Variants in ABCC9 observed in about 807,000 individuals in gnomAD.
The protein encoded by ABCC9 is ATP binding cassette subfamily C member 9, also known as ATP-binding cassette sub-family C member 9.
ABCC9 carries 95 observed loss-of-function variants against 188.3 expected under a neutral mutation model. That is an observed-to-expected ratio of 0.50 (90% CI 0.43 to 0.60). The LOEUF (loss-of-function observed/expected upper bound fraction) is 0.60, where lower values mean the gene tolerates loss of function less well. Among genes scored for constraint, ABCC9 ranks in the 20% least tolerant of loss-of-function variants. The pLI is 0.00. For synonymous variants in ABCC9, 659 were observed against 652.7 expected (o/e 1.01, Z -0.15); for missense variants, 1,102 against 1,876.3 (o/e 0.59, Z 7.62).
At chr12:21,875,067 TC>T (rs1946273898) in intron 17 of ABCC9, among the ~76,000 whole-genome samples, 1 of 136,890 alleles carries the variant, frequency 7.3e-6, no homozygotes, top group Non-Finnish European at 1.6e-5. Context: ...TAAGTGTTCT[TC>T]CCACAAAAAA....
chr12:21,801,532 A>T (rs1397504096), intron 39 of ABCC9, among the ~76,000 whole-genome samples: 1 of 152,212 alleles, frequency 6.6e-6, no homozygotes, highest in Non-Finnish European at 1.5e-5. Flanking sequence ...TTATACTTTA[A>T]TGTCAACAAT....
At chr12:21,901,202 C>T (rs547598403) in intron 12 of ABCC9, among the ~76,000 whole-genome samples, 13 of 152,230 alleles carry the variant, frequency 8.5e-5, no homozygotes, top group Middle Eastern at 3.4e-3. Context: ...TCCAGCCAAA[C>T]TAAGCTTCAT....
At chr12:21,834,935 C>T (rs1346025795) in intron 30 of ABCC9, among the ~76,000 whole-genome samples, 2 of 151,914 alleles carry the variant, frequency 1.3e-5, no homozygotes, top group Non-Finnish European at 2.9e-5. Flanking sequence ...CTAGCAGTCA[C>T]AACATCAAGG....
intron 5 of ABCC9, among the ~76,000 whole-genome samples, chr12:21,918,030 TA>T (rs10563250): frequency 0.76 from 113,896 of 149,082 alleles, 44,328 homozygotes; most frequent in South Asian, 0.83. Context: ...ATGGATTCAT[TA>T]AAAAAAAAAA....
At chr12:21,853,042 T>C (rs117944857) in intron 22 of ABCC9, among the ~76,000 whole-genome samples, 3,561 of 152,222 alleles carry the variant, frequency 0.023, 58 homozygotes, top group Non-Finnish European at 0.039. Context: ...GGGCCAGGCA[T>C]GGTGGCTCAC....
chr12:21,829,264 C>T (rs571853734), intron 30 of ABCC9, among the ~76,000 whole-genome samples: 34 of 134,840 alleles, frequency 2.5e-4, no homozygotes, highest in African/African-American at 6.0e-4. Flanking sequence ...TGCAGTGGCG[C>T]GATCTCGGCT....
intron 38 of ABCC9, among the ~76,000 whole-genome samples, chr12:21,806,642 C>G (rs1222750942): frequency 6.6e-6 from 1 of 152,156 alleles, no homozygotes. Flanking sequence ...TATTCTCTCT[C>G]TCTTCTCTGT....
At chr12:21,869,886 AG>A (rs1945979749) in intron 18 of ABCC9, among the ~76,000 whole-genome samples, 1 of 152,234 alleles carries the variant, frequency 6.6e-6, no homozygotes, top group African/African-American at 2.4e-5. Flanking sequence ...TGAAAAAGAA[AG>A]GACTAAGAAA....
At chr12:21,858,840 A>G (rs540938570) in intron 22 of ABCC9, among the ~76,000 whole-genome samples, 2 of 152,278 alleles carry the variant, frequency 1.3e-5, no homozygotes, top group South Asian at 4.1e-4. Flanking sequence ...CAGATTGATA[A>G]GTGGTTAATA....
At chr12:21,823,966 G>T (rs1243438029) in intron 31 of ABCC9, among the ~76,000 whole-genome samples, 1 of 152,120 alleles carries the variant, frequency 6.6e-6, no homozygotes, top group Non-Finnish European at 1.5e-5. Flanking sequence ...GTGTGTTATG[G>T]CCTTTATTTT....
At position 21,910,280 on chromosome 12, in the gene ABCC9, A is replaced by T. The variant is rs769232379; in HGVS notation, c.1197T>A (p.Ser399=). ...TCTCCCCCATGGATAAGTTAGACGTAGAGAGCCTAAGGATTTTATTATAAA... is the reference window on the plus strand; with the variant it reads ...TCTCCCCCATGGATAAGTTAGACGTTGAGAGCCTAAGGATTTTATTATAAA... The part of the protein sequence containing the change: ...AMIYNKILRL[S]TSNLSMGEMT... Residue 399 remains serine, a synonymous_variant, in exon 10 of 40, where the codon TCT becomes TCA. Coordinates refer to ENST00000261200, the MANE Select transcript of ABCC9 (RefSeq NM_020297.4). 6.2e-7 allele frequency: 1 copy of T among 1,608,130 alleles called. No individual in the cohort carries two copies. Among genetic ancestry groups the T allele is most frequent in the African/African-American group, 1.3e-5 (1 of 74,530 alleles).
At chr12:21,817,166 A>G in intron 33 of ABCC9, 21 bp downstream of exon 33, 1 of 1,610,850 alleles carries the variant, frequency 6.2e-7, no homozygotes. Flanking sequence ...TAAGTGAGAC[A>G]AACAATATTT....
intron 16 of ABCC9, 39 bp from the exon 17 acceptor site, chr12:21,875,765 G>T: frequency 1.4e-6 from 2 of 1,457,852 alleles, no homozygotes; most frequent in Non-Finnish European, 1.9e-6. Context: ...TATATGTGTG[G>T]TATCAATGAA....
Position 21,818,263 on chromosome 12 carries a change from C to T in ABCC9, c.3670-12G>A, listed in dbSNP as rs749942631. On this transcript the variant is annotated splice_polypyrimidine_tract_variant and intron_variant, in intron 31 of 39. Transcript: ENST00000261200. Reference sequence around the variant, plus strand: ...GCTCCCAGATAATCCTTTGAAAAAGCAAGAGAAAATGTTAAAAGGTTACTC... The same window carrying T: ...GCTCCCAGATAATCCTTTGAAAAAGTAAGAGAAAATGTTAAAAGGTTACTC... 78 of 1,608,636 alleles carry T rather than the reference C, an allele frequency of 4.8e-5. 1 individual carries two copies. Among genetic ancestry groups the T allele is most frequent in the South Asian group, 2.2e-5 (2 of 90,964 alleles).
At chr12:21,851,335 C>T (rs368420235) in intron 24 of ABCC9, among the ~76,000 whole-genome samples, 1 of 152,142 alleles carries the variant, frequency 6.6e-6, no homozygotes, top group Non-Finnish European at 1.5e-5. Context: ...GTTATACTTA[C>T]ATCACCCATA....
At chr12:21,932,775 G>A (rs1949338720) in intron 4 of ABCC9, among the ~76,000 whole-genome samples, 1 of 151,964 alleles carries the variant, frequency 6.6e-6, no homozygotes, top group Non-Finnish European at 1.5e-5. Flanking sequence ...GAATACTTAT[G>A]CACCATTTGT....
chr12:21,879,956 A>C (rs1343732220), intron 16 of ABCC9, among the ~76,000 whole-genome samples: 1 of 151,860 alleles, frequency 6.6e-6, no homozygotes, highest in Non-Finnish European at 1.5e-5. Context: ...TAAATCTGAG[A>C]AAAATAAATG....
chr12:21,910,856 C>T lies in ABCC9; in HGVS notation c.1134G>A (p.Glu378=), dbSNP rs1385513064. 6.2e-7 allele frequency: 1 copy of T among 1,612,480 alleles called. No homozygotes were observed. The highest frequency in any genetic ancestry group is 8.5e-7 in the Non-Finnish European group (1 of 1,178,780). ...GAGCTCCACGGAGGTTAATGCCAGT[C>T]TCTATGGTTACATAGTAGGAAGCCT... ...FLQASYYVTI[E]TGINLRGALL... is the part of the protein sequence containing the mutation. Residue 378 remains glutamate (E), a synonymous_variant, in exon 9 of 40, where the codon GAG becomes GAA. Transcript: ENST00000261200.
At chr12:21,893,991 A>G in intron 14 of ABCC9, 41 bp downstream of exon 14, 2 of 1,607,108 alleles carry the variant, frequency 1.2e-6, no homozygotes, top group Non-Finnish European at 1.7e-6. Context: ...CGTCATTTCT[A>G]TTATCAATAA....
Sources: gnomAD v4.1 joint callset for allele counts (sites outside exome capture counted in the v4.1 genomes callset) on GRCh38, gnomAD v4.1.1 for gene constraint, MANE v1.5 for transcripts, NCBI Gene and HGNC (gene_info 2026-07-23, HGNC 2026-07-21) for gene names.